The following ATG101 variants were observed in gnomAD, a reference collection of about 807,000 sequenced individuals.
ATG101 encodes autophagy related 101, also known as autophagy-related protein 101.
Under a neutral mutation model 16.7 loss-of-function variants are expected in ATG101, and 6 were observed. The observed-to-expected ratio is 0.36, with a 90% CI of 0.20 to 0.71. The LOEUF is 0.71. ATG101 is among the 30% of genes least tolerant of loss of function. ATG101 has a pLI of 0.57. For missense variants in ATG101, 200 were observed against 292.5 expected, an observed-to-expected ratio of 0.68 and a Z score of 2.31; for synonymous variants, 108 against 118.1, an observed-to-expected ratio of 0.91 and a Z score of 0.56.
At chr12:52,065,624 G>C (rs929016311), upstream of ATG101, among the ~76,000 whole-genome samples, 2 of 152,208 alleles carry the variant, frequency 1.3e-5, no homozygotes, top group African/African-American at 4.8e-5. Context: ...CAGCATGTGA[G>C]ATAAAGAGGT....
intron 2 of ATG101, among the ~76,000 whole-genome samples, chr12:52,071,787 A>G (rs181087560): frequency 6.6e-5 from 10 of 152,282 alleles, no homozygotes; most frequent in Admixed American, 2.0e-4. Flanking sequence ...AGCCTGGGTG[A>G]TGGAGTGAGA....
Sources: allele counts gnomAD v4.1 joint callset (sites outside exome capture counted in the v4.1 genomes callset), GRCh38; gene constraint gnomAD v4.1.1; transcripts MANE v1.5; gene names NCBI Gene and HGNC (gene_info 2026-07-23, HGNC 2026-07-21).